VGLL3: variants seen among roughly 807,000 people sequenced by gnomAD.
VGLL3 encodes the protein vestigial like family member 3.
Under a neutral mutation model 29.2 loss-of-function variants are expected in VGLL3, and 18 were observed. That is an observed-to-expected ratio of 0.62 (90% CI 0.43 to 0.91). VGLL3 has a LOEUF of 0.91. VGLL3 is among the 40% of genes least tolerant of loss of function. VGLL3 has a pLI of 0.00. For synonymous variants in VGLL3, 180 were observed against 151.8 expected (o/e 1.19, Z -1.36); for missense variants, 440 against 413.2 (o/e 1.06, Z -0.56).
At chr3:86,986,855 A>G (rs1482787712) in intron 1 of VGLL3, among the ~76,000 whole-genome samples, 1 of 152,166 alleles carries the variant, frequency 6.6e-6, no homozygotes, top group Non-Finnish European at 1.5e-5. Flanking sequence ...CATTAGCATA[A>G]TCCAAATGCT....
chr3:86,988,560 A>C (rs533316266), intron 1 of VGLL3, among the ~76,000 whole-genome samples: 1 of 150,196 alleles, frequency 6.7e-6, no homozygotes, highest in Non-Finnish European at 1.5e-5. Context: ...TCTGACACTA[A>C]AAGAACAGTA....
intron 3 of VGLL3, among the ~76,000 whole-genome samples, chr3:86,956,093 T>C (rs1426001755): frequency 6.6e-6 from 1 of 152,174 alleles, no homozygotes; most frequent in Non-Finnish European, 1.5e-5. Flanking sequence ...TCAGGCCATA[T>C]AGAATTTTTC....
intron 3 of VGLL3, among the ~76,000 whole-genome samples, chr3:86,954,819 A>G (rs906062086): frequency 6.6e-6 from 1 of 152,078 alleles, no homozygotes; most frequent in Non-Finnish European, 1.5e-5. Flanking sequence ...AAGGAAAGGA[A>G]GAAGGGAGTG....
chr3:86,977,359 G>A (rs1705231199), intron 2 of VGLL3, among the ~76,000 whole-genome samples: 1 of 152,106 alleles, frequency 6.6e-6, no homozygotes, highest in East Asian at 1.9e-4. Context: ...CTACAGTAGA[G>A]CAGAACCATT....
chr3:86,971,151 C>G (rs923578829), intron 2 of VGLL3, among the ~76,000 whole-genome samples: 11 of 152,308 alleles, frequency 7.2e-5, no homozygotes, highest in African/African-American at 2.6e-4. Context: ...ATTCAAAACT[C>G]TGACATTATC....
intron 3 of VGLL3, among the ~76,000 whole-genome samples, chr3:86,948,026 A>G (rs867733745): frequency 2.0e-5 from 3 of 152,162 alleles, no homozygotes; most frequent in Middle Eastern, 6.8e-3. Context: ...GTATAACGAG[A>G]TACTTTGATG....
At chr3:86,947,667 T>G (rs1251517688) in intron 3 of VGLL3, among the ~76,000 whole-genome samples, 1 of 152,160 alleles carries the variant, frequency 6.6e-6, no homozygotes, top group African/African-American at 2.4e-5. Flanking sequence ...ATTTACTTAT[T>G]TTATCTTATC....
At chr3:86,977,391 C>T (rs1256810258) in intron 2 of VGLL3, among the ~76,000 whole-genome samples, 1 of 152,124 alleles carries the variant, frequency 6.6e-6, no homozygotes, top group Non-Finnish European at 1.5e-5. Flanking sequence ...CAGAAGGTAC[C>T]ACTAGTCACT....
intron 1 of VGLL3, among the ~76,000 whole-genome samples, chr3:86,979,813 T>A (rs59636155): frequency 1.3e-5 from 2 of 152,070 alleles, no homozygotes; most frequent in East Asian, 1.9e-4. Context: ...GGGAGGGATA[T>A]CTAGCATATA....
Position 86,943,904 on chromosome 3 carries a change from T to A in VGLL3, c.*3120A>T, listed in dbSNP as rs1472046440. ...AGATATTTAGAAAGCTTGAATAAAA[T>A]CTGATTTGTAAAATCAGACAAAAGT... is the stretch of plus-strand genomic sequence containing the variant. On this transcript the variant is annotated 3_prime_UTR_variant, in exon 4 of 4. Transcript: ENST00000398399. 1 of 152,160 alleles carries A rather than the reference T, an allele frequency of 6.6e-6. No individual in the cohort carries two copies. Among genetic ancestry groups the A allele is most frequent in the Non-Finnish European group, 1.5e-5 (1 of 68,026 alleles). 9.4% of individuals were successfully genotyped at this position (152,160 alleles called of 1,614,324 possible).
chr3:86,970,766 A>C (rs996217395), intron 2 of VGLL3, among the ~76,000 whole-genome samples: 1 of 152,170 alleles, frequency 6.6e-6, no homozygotes, highest in African/African-American at 2.4e-5. Context: ...TGTTGCCTAC[A>C]GTGTTGTATA....
At chr3:86,960,963 ATATG>A (rs1704826523) in intron 3 of VGLL3, among the ~76,000 whole-genome samples, 1 of 129,928 alleles carries the variant, frequency 7.7e-6, no homozygotes. Flanking sequence ...ATATATATAT[ATATG>A]CATATGATGT....
chr3:86,972,892 G>A (rs531916297), intron 2 of VGLL3, among the ~76,000 whole-genome samples: 1 of 150,152 alleles, frequency 6.7e-6, no homozygotes, highest in Non-Finnish European at 1.5e-5. Flanking sequence ...ATACACACGA[G>A]TTTATTTCTA....
At chr3:86,980,624 G>A (rs1054271019) in intron 1 of VGLL3, among the ~76,000 whole-genome samples, 6 of 152,020 alleles carry the variant, frequency 3.9e-5, no homozygotes, top group Non-Finnish European at 8.8e-5. Context: ...GAAACATATG[G>A]TATGTGTAAA....
intron 1 of VGLL3, among the ~76,000 whole-genome samples, chr3:86,985,189 T>C (rs1321766111): frequency 1.3e-5 from 2 of 152,198 alleles, no homozygotes; most frequent in Non-Finnish European, 2.9e-5. Flanking sequence ...TAATTTTCTT[T>C]CTTACATTGG....
rs755898893 is a variant in VGLL3, at chr3:86,990,752, G to C, written c.-9C>G. The stretch of plus-strand genomic sequence containing the variant: ...ACCTCCGCACAACTCATGGCAGCCG[G>C]GGCAGTGGCGGCCCCCGAGCTGCCG... On this transcript the variant is annotated 5_prime_UTR_variant, in exon 1 of 4. Transcript: ENST00000398399. The C allele has an allele frequency of 5.2e-6, 7 of 1,333,830 alleles. No individual in the cohort carries two copies. The East Asian group carries it at 1.8e-4, about 34-fold the overall frequency. 82.6% of individuals were successfully genotyped at this position (1,333,830 alleles called of 1,614,324 possible).
At chr3:86,967,046 C>G (rs186581664) in intron 3 of VGLL3, among the ~76,000 whole-genome samples, 1 of 151,708 alleles carries the variant, frequency 6.6e-6, no homozygotes, top group African/African-American at 2.4e-5. Context: ...CAAGCTCACA[C>G]CAAAGTGAAC....
chr3:86,988,976 AG>A (rs1705520852), intron 1 of VGLL3, among the ~76,000 whole-genome samples: 1 of 152,114 alleles, frequency 6.6e-6, no homozygotes, highest in Admixed American at 6.5e-5. Flanking sequence ...ACCGAGTCTC[AG>A]GGCTATTGCA....
intron 2 of VGLL3, among the ~76,000 whole-genome samples, chr3:86,970,535 G>C (rs1256775299): frequency 2.1e-5 from 3 of 144,490 alleles, no homozygotes; most frequent in Non-Finnish European, 4.7e-5. Flanking sequence ...GACAGCAGCA[G>C]CATTTGAAAG....
Sources: gnomAD v4.1 joint callset for allele counts (sites outside exome capture counted in the v4.1 genomes callset) on GRCh38, gnomAD v4.1.1 for gene constraint, MANE v1.5 for transcripts, NCBI Gene and HGNC (gene_info 2026-07-23, HGNC 2026-07-21) for gene names.